SYNM: variants seen among roughly 807,000 people sequenced by gnomAD.
The protein encoded by SYNM is synemin.
Under a neutral mutation model 104.0 loss-of-function variants are expected in SYNM, and 95 were observed. The observed-to-expected ratio is 0.91, with a 90% CI of 0.77 to 1.08. The LOEUF is 1.08. Among genes scored for constraint, SYNM ranks in the 50% least tolerant of loss-of-function variants. The pLI, the probability that SYNM is intolerant of heterozygous loss-of-function variation, is 0.00. For synonymous variants in SYNM, 918 were observed against 869.0 expected, an observed-to-expected ratio of 1.06 and a Z score of -0.99; for missense variants, 2,150 against 2,052.2, an observed-to-expected ratio of 1.05 and a Z score of -0.92.
chr15:99,119,527 G>A (rs1224350803), intron 2 of SYNM, among the ~76,000 whole-genome samples: 6 of 152,208 alleles, frequency 3.9e-5, no homozygotes, highest in African/African-American at 1.2e-4. Flanking sequence ...AGTGGGAGGC[G>A]GGGCTTGCAC....
At chr15:99,125,574 G>A (rs782574173) in intron 2 of SYNM, among the ~76,000 whole-genome samples, 1 of 152,250 alleles carries the variant, frequency 6.6e-6, no homozygotes, top group Non-Finnish European at 1.5e-5. Flanking sequence ...CAGGGCTCTC[G>A]TGTTCATGGG....
intron 2 of SYNM, among the ~76,000 whole-genome samples, chr15:99,125,481 G>A (rs1356505363): frequency 1.3e-5 from 2 of 152,240 alleles, no homozygotes; most frequent in African/African-American, 4.8e-5. Context: ...CAAGCATCCC[G>A]CAGTCACTGC....
In SYNM at chr15:99,129,900, G is replaced by A; in HGVS notation, c.1540G>A (p.Glu514Lys). The change falls in exon 4 of 4, where the codon GAA becomes AAA. Residue 514 changes from glutamate to lysine, a missense_variant. By Grantham distance (56) the Glu-to-Lys change is moderately conservative (BLOSUM62 1). Transcript: ENST00000336292. ...GAGGGAGCAAGAAAGAAACAGACCAGAAACCATCCGAACAAAGCCAGAAGA... is the reference window on the plus strand; with the variant it reads ...GAGGGAGCAAGAAAGAAACAGACCAAAAACCATCCGAACAAAGCCAGAAGA... Reference protein sequence around the residue: ...ATREQERNRPETIRTKPEEKM... With the variant: ...ATREQERNRPKTIRTKPEEKM... 6.2e-7 allele frequency: 1 copy of A among 1,612,776 alleles called. No homozygotes were observed. The highest frequency in any genetic ancestry group is 1.6e-4 in the Middle Eastern group (1 of 6,062).
chr15:99,106,883 C>T (rs1050288066), intron 1 of SYNM, among the ~76,000 whole-genome samples: 1 of 152,236 alleles, frequency 6.6e-6, no homozygotes, highest in African/African-American at 2.4e-5. Flanking sequence ...GAAATAACAT[C>T]TGCACAATTT....
At position 99,129,757 on chromosome 15, in the gene SYNM, CA is replaced by C. The variant is rs1555485456; in HGVS notation, c.1399del (p.Ile467LeufsTer36). On this transcript the variant is annotated frameshift_variant, in exon 4 of 4. Transcript: ENST00000336292. LOFTEE classifies it low-confidence loss of function (END_TRUNC). Reference protein sequence around the residue: ...EVPVYIGEDSTIARESYRDRR... With the variant: ...EVPVYIGEDSXIARESYRDRR... ...CCCGTTTACATAGGTGAAGATTCCA[CA>C]ATTGCCCGCGAGTCGTACCGGGATC... is the stretch of plus-strand genomic sequence containing the variant. 2 of 1,613,634 alleles carry C rather than the reference CA, an allele frequency of 1.2e-6. No individual in the cohort carries two copies. Among genetic ancestry groups the C allele is most frequent in the Admixed American group, 3.3e-5 (2 of 60,024 alleles).
chr15:99,105,942 G>T lies in SYNM; in HGVS notation c.743G>T (p.Arg248Leu). The change falls in exon 1 of 4, where the codon CGC becomes CTC. Residue 248 changes from arginine to leucine, a missense_variant. Arg to Leu is a moderately radical substitution (Grantham distance 102). Coordinates refer to ENST00000336292, the MANE Select transcript of SYNM (RefSeq NM_145728.3). ...RREALGLEQLRARLEDALLRM... is the reference protein window; with the variant it reads ...RREALGLEQLLARLEDALLRM... ...GAGGCGCTCGGGTTGGAGCAGCTGC[G>T]CGCGCGGCTGGAGGACGCGCTGCTG... 6.6e-7 allele frequency: 1 copy of T among 1,523,804 alleles called. No homozygotes were observed. The allele number at this position is 1,523,804 out of a possible 1,614,324, so 94.4% of individuals were successfully genotyped here.
chr15:99,113,088 T>A (rs901596870), intron 1 of SYNM, among the ~76,000 whole-genome samples: 1 of 152,248 alleles, frequency 6.6e-6, no homozygotes, highest in Non-Finnish European at 1.5e-5. Flanking sequence ...GATCTTAAAG[T>A]AGCTTTTCTA....
At chr15:99,114,180 G>C (rs1555483691) in intron 2 of SYNM, among the ~76,000 whole-genome samples, 1 of 152,208 alleles carries the variant, frequency 6.6e-6, no homozygotes, top group African/African-American at 2.4e-5. Context: ...TTGACTCACA[G>C]TTATTCCGCA....
chr15:99,113,590 G>GA lies in SYNM; in HGVS notation c.811dup (p.Arg271LysfsTer4). The GA allele has an allele frequency of 6.2e-7, 1 of 1,613,198 alleles. No homozygotes were observed. The highest frequency in any genetic ancestry group is 8.5e-7 in the Non-Finnish European group (1 of 1,179,538). ...TATAAAAGTCTGTCTATTCTCTTTAGAGAGTGATTGACTGCCTGGAGGATG... is the reference window on the plus strand; with the variant it reads ...TATAAAAGTCTGTCTATTCTCTTTAGAAGAGTGATTGACTGCCTGGAGGATG... On this transcript the variant is annotated frameshift_variant and splice_region_variant. Coordinates refer to ENST00000336292, the MANE Select transcript of SYNM (RefSeq NM_145728.3). LOFTEE classifies it high-confidence loss of function.
chr15:99,105,635 G>A lies in SYNM; in HGVS notation c.436G>A (p.Ala146Thr), dbSNP rs782059959. The part of the protein sequence containing the change: ...RLQAERRGLD[A>T]AHERDVRELR... The stretch of plus-strand genomic sequence containing the variant: ...GCAGGCCGAGCGCCGAGGCCTCGAC[G>A]CGGCCCACGAACGCGACGTGAGGGA... Residue 146 changes from alanine (A) to threonine (T), a missense_variant, in exon 1 of 4, where the codon GCG (alanine) becomes ACG (threonine). By Grantham distance (58) the Ala-to-Thr change is moderately conservative. Transcript: ENST00000336292. 2.3e-6 allele frequency: 3 copies of A among 1,331,612 alleles called. No individual in the cohort carries two copies. The highest frequency in any genetic ancestry group is 3.7e-5 in the South Asian group (2 of 53,708). The allele number at this position is 1,331,612 out of a possible 1,614,324, so 82.5% of individuals were successfully genotyped here.
At chr15:99,127,353 C>G (rs1459730117) in intron 3 of SYNM, among the ~76,000 whole-genome samples, 1 of 152,190 alleles carries the variant, frequency 6.6e-6, no homozygotes, top group African/African-American at 2.4e-5. Context: ...CCCATCCTTC[C>G]TATGGCTGCA....
Position 99,131,523 on chromosome 15 carries a change from G to A in SYNM, c.3163G>A (p.Gly1055Arg), listed in dbSNP as rs781868003. 6.2e-7 allele frequency: 1 copy of A among 1,607,554 alleles called. No individual in the cohort carries two copies. The highest frequency in any genetic ancestry group is 8.5e-7 in the Non-Finnish European group (1 of 1,179,674). ...GCCTGGCAGCCCAGATGAGGAAGGT[G>A]GAGCGGAGGCCCCGGCTGCTGGCAT... ...PAPGSPDEEG[G>R]AEAPAAGIRF... Residue 1055 changes from glycine (G) to arginine (R), a missense_variant, in exon 4 of 4, where the codon GGA (glycine) becomes AGA (arginine). By Grantham distance (125) the Gly-to-Arg change is moderately radical. Transcript: ENST00000336292. The surrounding 1 kb of genome is among the most constrained non-coding windows in gnomAD (Gnocchi z 4.3).
In SYNM at chr15:99,105,280, TC is replaced by T; in HGVS notation, c.82del (p.Arg28GlyfsTer47). On this transcript the variant is annotated frameshift_variant, in exon 1 of 4. Transcript: ENST00000336292. LOFTEE classifies it high-confidence loss of function. ...ACGCCCGGCTCTATGACTACGTGTG[TC>T]GGGTGCGGGAGCTGGAGCGCGAAAA... is the stretch of plus-strand genomic sequence containing the variant. ...LNARLYDYVC[R>X]VRELERENLL... is the part of the protein sequence containing the mutation. 1 of 1,557,704 alleles carries T rather than the reference TC, an allele frequency of 6.4e-7. No individual in the cohort carries two copies. The highest frequency in any genetic ancestry group is 8.7e-7 in the Non-Finnish European group (1 of 1,151,824).
At chr15:99,137,100 G>A, downstream of SYNM, 1 of 152,454 alleles carries the variant, frequency 6.6e-6, no homozygotes, top group Non-Finnish European at 1.5e-5. Context: ...GCCCACACCT[G>A]CACCCCTACC....
chr15:99,115,469 ATTT>A (rs60387897), intron 2 of SYNM, among the ~76,000 whole-genome samples: 9 of 130,012 alleles, frequency 6.9e-5, no homozygotes, highest in East Asian at 4.5e-4. Context: ...ATTTTATTCT[ATTT>A]TTTTTTTTTT....
chr15:99,129,891 A>C lies in SYNM; in HGVS notation c.1531A>C (p.Asn511His), dbSNP rs1555485486. The C allele has an allele frequency of 6.8e-6, 11 of 1,613,148 alleles. No homozygotes were observed. The East Asian group carries it at 2.5e-4, about 36-fold the overall frequency. ...GAAAGCCACGAGGGAGCAAGAAAGA[A>C]ACAGACCAGAAACCATCCGAACAAA... Reference protein sequence around the residue: ...EVKATREQERNRPETIRTKPE... With the variant: ...EVKATREQERHRPETIRTKPE... The change falls in exon 4 of 4, where the codon AAC (asparagine) becomes CAC (histidine). Residue 511 changes from asparagine to histidine, a missense_variant. Physicochemically the swap from Asn to His is moderately conservative, Grantham distance 68. Coordinates refer to ENST00000336292, the MANE Select transcript of SYNM (RefSeq NM_145728.3).
At chr15:99,128,091 T>G (rs1434872960) in intron 3 of SYNM, among the ~76,000 whole-genome samples, 2 of 152,236 alleles carry the variant, frequency 1.3e-5, no homozygotes, top group African/African-American at 4.8e-5. Flanking sequence ...CTAAATTTAT[T>G]CTGGCAATTA....
chr15:99,138,077 G>T (rs2067736393), downstream of SYNM: 3 of 1,613,586 alleles, frequency 1.9e-6, no homozygotes, highest in Non-Finnish European at 2.5e-6. Context: ...GGTGCAGAAG[G>T]CCACTTTGGC....
chr15:99,106,128 G>C, intron 1 of SYNM, 119 bp downstream of exon 1: 4 of 1,136,002 alleles, frequency 3.5e-6, no homozygotes, highest in Non-Finnish European at 2.3e-6. Flanking sequence ...GGACCGGTAG[G>C]GCCCGCCCAG....
Sources: allele counts gnomAD v4.1 joint callset (sites outside exome capture counted in the v4.1 genomes callset), GRCh38; gene constraint gnomAD v4.1.1; non-coding constraint Gnocchi (gnomAD v3.1); transcripts MANE v1.5; gene names NCBI Gene and HGNC (gene_info 2026-07-23, HGNC 2026-07-21).